ZNF718: variants seen among roughly 807,000 people sequenced by gnomAD.
The protein encoded by ZNF718 is zinc finger protein 718.
A neutral mutation model predicts 2.6 loss-of-function variants in ZNF718; 3 were observed. The observed-to-expected ratio is 1.16, with a 90% confidence interval of 0.53 to 3.01. ZNF718 has a LOEUF of 3.01. Among genes scored for constraint, ZNF718 ranks in the 30% most tolerant of loss-of-function variants. ZNF718 has a pLI of 0.03. For synonymous variants in ZNF718, 135 were observed against 77.9 expected (o/e 1.73, Z -3.86); for missense variants, 468 against 230.0 (o/e 2.03, Z -6.69).
chr4:187,807 G>A (rs969637684), intron 3 of ZNF718, among the ~76,000 whole-genome samples: 31 of 152,270 alleles, frequency 2.0e-4, no homozygotes, highest in African/African-American at 7.5e-4. Flanking sequence ...GCCCCCAATT[G>A]GCTTGGGCTC....
intron 3 of ZNF718, among the ~76,000 whole-genome samples, chr4:180,382 C>G (rs1450322754): frequency 6.6e-6 from 1 of 152,136 alleles, no homozygotes; most frequent in Non-Finnish European, 1.5e-5. Context: ...AGAAAAGAAT[C>G]CTTTATTAGC....
chr4:159,099 C>T (rs1288149146), intron 3 of ZNF718, among the ~76,000 whole-genome samples: 10 of 149,462 alleles, frequency 6.7e-5, no homozygotes, highest in Admixed American at 1.3e-4. Context: ...TGCAGTGGCG[C>T]GATCTTGGCT....
chr4:155,417 G>C (rs1232583603), intron 3 of ZNF718, among the ~76,000 whole-genome samples: 1 of 152,194 alleles, frequency 6.6e-6, no homozygotes, highest in Admixed American at 6.5e-5. Flanking sequence ...ACCCTGCAAA[G>C]CCACAGGGGT....
Position 182,429 on chromosome 4 carries a change from T to C in ZNF718, c.227-18652T>C, listed in dbSNP as rs1354943770. Among the ~76,000 whole-genome samples the C allele has an allele frequency of 3.3e-5, 5 of 151,324 alleles. No homozygotes were observed. The South Asian group carries it at 6.3e-4, about 19-fold the overall frequency. ...ATATTTATTTATTTATTTATTTATT[T>C]ATTTATTTATTTATTTATTTTTGAG... On this transcript the variant is annotated intron_variant and NMD_transcript_variant, in intron 3 of 4. Coordinates refer to the ZNF718 transcript ENST00000642529.
intron 1 of ZNF718, among the ~76,000 whole-genome samples, chr4:126,045 C>CT (rs1715197944): frequency 6.6e-6 from 1 of 152,216 alleles, no homozygotes; most frequent in Admixed American, 6.5e-5. Flanking sequence ...ACCTGTAGCA[C>CT]AAACCAGTCC....
intron 3 of ZNF718, among the ~76,000 whole-genome samples, chr4:182,766 T>C (rs2108813807): frequency 6.6e-6 from 1 of 152,264 alleles, no homozygotes; most frequent in South Asian, 2.1e-4. Flanking sequence ...TGTTGAGCTT[T>C]TTTTCATATG....
downstream of ZNF718, among the ~76,000 whole-genome samples, chr4:167,920 T>C (rs1251265440): frequency 6.6e-6 from 1 of 152,202 alleles, no homozygotes; most frequent in African/African-American, 2.4e-5. Context: ...GGCATCCCTG[T>C]CTTGTGCCAG....
intron 3 of ZNF718, among the ~76,000 whole-genome samples, chr4:144,694 A>T (rs1299067148): frequency 6.6e-6 from 1 of 151,960 alleles, no homozygotes; most frequent in Non-Finnish European, 1.5e-5. Flanking sequence ...TCGATGTTTT[A>T]TAGTATTCAT....
chr4:133,705 C>A (rs1367795379), intron 3 of ZNF718, among the ~76,000 whole-genome samples: 4 of 152,170 alleles, frequency 2.6e-5, no homozygotes, highest in African/African-American at 7.2e-5. Context: ...CATATAGCAA[C>A]AATGTTCATT....
intron 3 of ZNF718, among the ~76,000 whole-genome samples, chr4:154,929 T>C (rs982935978): frequency 2.0e-5 from 3 of 152,146 alleles, no homozygotes; most frequent in African/African-American, 7.2e-5. Context: ...AGGGAAATAA[T>C]TTTATGGGTT....
intron 3 of ZNF718, among the ~76,000 whole-genome samples, chr4:145,895 A>G (rs774537808): frequency 6.6e-6 from 1 of 152,096 alleles, no homozygotes; most frequent in Non-Finnish European, 1.5e-5. Context: ...GTTACCTTCT[A>G]TGTATAGAAA....
At chr4:192,541 C>T (rs191363962) in intron 3 of ZNF718, among the ~76,000 whole-genome samples, 169 of 152,290 alleles carry the variant, frequency 1.1e-3, no homozygotes, top group African/African-American at 3.9e-3. Context: ...AGTCCTGTCT[C>T]TCAGTCCCCC....
chr4:165,919 TACATGTGC>T (rs1221552004), downstream of ZNF718, among the ~76,000 whole-genome samples: 6 of 152,182 alleles, frequency 3.9e-5, no homozygotes, highest in Non-Finnish European at 7.3e-5. Flanking sequence ...TACATATGTA[TACATGTGC>T]ACATGTGCCA....
In ZNF718 at chr4:126,693, C is replaced by CT. The variant is rs559957048; in HGVS notation, c.3+2027dup. On this transcript the variant is annotated intron_variant, in intron 1 of 3. Coordinates refer to ENST00000510175, the MANE Select transcript of ZNF718 (RefSeq NM_001039127.6). Reference sequence around the variant, plus strand: ...TCTTCTACTTAAGAACTAATGGTGACTTTTTTTCTGTGTTTGCAGTCTCTT... The same window carrying CT: ...TCTTCTACTTAAGAACTAATGGTGACTTTTTTTTCTGTGTTTGCAGTCTCTT... Among the ~76,000 whole-genome samples the CT allele has an allele frequency of 5.0e-3, 745 of 150,028 alleles. 2 individuals carry two copies. Among genetic ancestry groups the CT allele is most frequent in the African/African-American group, 0.017 (676 of 40,776 alleles).
rs1553815732 is a variant in ZNF718, at chr4:162,299, A to G, written c.*177A>G. Reference sequence around the variant, plus strand: ...AGCCATAAAAATATGAAAAATGTGGAAAAGCCTTCAAATGCTTGTCACATA... The same window carrying G: ...AGCCATAAAAATATGAAAAATGTGGGAAAGCCTTCAAATGCTTGTCACATA... On this transcript the variant is annotated 3_prime_UTR_variant, in exon 4 of 4. Transcript: ENST00000510175. The G allele has an allele frequency of 4.1e-6, 2 of 486,100 alleles. No individual in the cohort carries two copies. Among genetic ancestry groups the G allele is most frequent in the South Asian group, 4.7e-5 (1 of 21,068 alleles). The allele number at this position is 486,100 out of a possible 1,614,324, so 30.1% of individuals were successfully genotyped here.
rs1327088161 is a variant in ZNF718 at position 124,770 on chromosome 4, G to T, written c.3+97G>T. 16 of 1,525,668 alleles carry T rather than the reference G, an allele frequency of 1.0e-5. No individual in the cohort carries two copies. In the Admixed American group the frequency reaches 1.9e-4, roughly 18 times the overall value. 94.5% of individuals were successfully genotyped at this position (1,525,668 alleles called of 1,614,324 possible). Reference sequence around the variant, plus strand: ...GGAGGAGTCTGTGAATGGAGTTCCCGCTCAGCCCTCTGTCCTCAGTCCCCT... The same window carrying T: ...GGAGGAGTCTGTGAATGGAGTTCCCTCTCAGCCCTCTGTCCTCAGTCCCCT... On this transcript the variant is annotated intron_variant, in intron 1 of 3. Coordinates refer to ENST00000510175, the MANE Select transcript of ZNF718 (RefSeq NM_001039127.6).
intron 3 of ZNF718, among the ~76,000 whole-genome samples, chr4:150,943 CAAAG>C (rs1404438535): frequency 7.2e-5 from 11 of 151,806 alleles, no homozygotes; most frequent in Non-Finnish European, 5.9e-5. Context: ...GGTGATGAGT[CAAAG>C]AAACAGTCTA....
intron 3 of ZNF718, among the ~76,000 whole-genome samples, chr4:199,451 A>G (rs554674926): frequency 6.6e-6 from 1 of 150,884 alleles, no homozygotes; most frequent in East Asian, 1.9e-4. Context: ...AGTCCTGGGG[A>G]CACCATGACT....
At chr4:134,574 ATTAG>A (rs1254703936) in intron 3 of ZNF718, among the ~76,000 whole-genome samples, 4 of 152,226 alleles carry the variant, frequency 2.6e-5, no homozygotes, top group African/African-American at 9.6e-5. Flanking sequence ...CTTTGACAGT[ATTAG>A]TTATTCTAAT....
Sources: allele counts gnomAD v4.1 joint callset (sites outside exome capture counted in the v4.1 genomes callset), GRCh38; gene constraint gnomAD v4.1.1; transcripts MANE v1.5; gene names NCBI Gene and HGNC (gene_info 2026-07-23, HGNC 2026-07-21).